TSGA10: variants seen among roughly 807,000 people sequenced by gnomAD.
The protein encoded by TSGA10 is testis specific 10, also known as testis-specific gene 10 protein.
TSGA10 carries 43 observed loss-of-function variants against 96.6 expected under a neutral mutation model. The ratio of observed to expected loss-of-function variants is 0.44; its 90% confidence interval spans 0.35 to 0.57. The LOEUF (loss-of-function observed/expected upper bound fraction) is 0.57, where lower values mean the gene tolerates loss of function less well. Ranked by LOEUF, TSGA10 falls within the 20% of genes least tolerant of loss-of-function variation. TSGA10 has a pLI of 0.01. For synonymous variants in TSGA10, 229 were observed against 269.9 expected, an observed-to-expected ratio of 0.85 and a Z score of 1.48; for missense variants, 703 against 834.4, an observed-to-expected ratio of 0.84 and a Z score of 1.94.
chr2:99,033,202 C>T (rs955001755), intron 17 of TSGA10, among the ~76,000 whole-genome samples: 6 of 152,180 alleles, frequency 3.9e-5, no homozygotes, highest in Admixed American at 6.5e-5. Flanking sequence ...AAAATGTCAC[C>T]TGAACTTAAC....
chr2:99,094,824 C>G (rs2089839147), intron 10 of TSGA10, among the ~76,000 whole-genome samples: 1 of 152,120 alleles, frequency 6.6e-6, no homozygotes, highest in African/African-American at 2.4e-5. Flanking sequence ...CTAGTACAAC[C>G]ACTATGGAAA....
intron 16 of TSGA10, among the ~76,000 whole-genome samples, chr2:99,064,407 T>G (rs2085033518): frequency 6.6e-6 from 1 of 152,206 alleles, no homozygotes; most frequent in Admixed American, 6.5e-5. Context: ...TATCTCCAAC[T>G]ATGTTTGTTT....
intron 1 of TSGA10, among the ~76,000 whole-genome samples, chr2:99,146,431 C>G (rs145372907): frequency 6.6e-6 from 1 of 152,168 alleles, no homozygotes; most frequent in Non-Finnish European, 1.5e-5. Context: ...AGTCTCTTAT[C>G]TATCTTTTTG....
At chr2:99,101,244 C>CAAA (rs869263270) in intron 10 of TSGA10, among the ~76,000 whole-genome samples, 654 of 24,342 alleles carry the variant, frequency 0.027, 227 homozygotes, top group Middle Eastern at 0.11. Context: ...GACTCTGTCT[C>CAAA]AAAAAAAAAA....
chr2:99,000,829 G>T (rs1044161138), intron 20 of TSGA10, among the ~76,000 whole-genome samples: 2 of 152,186 alleles, frequency 1.3e-5, no homozygotes, highest in African/African-American at 4.8e-5. Flanking sequence ...TATATCCCAT[G>T]CATGGCTCGG....
At chr2:99,059,987 C>T (rs1053700164) in intron 16 of TSGA10, among the ~76,000 whole-genome samples, 2 of 150,812 alleles carry the variant, frequency 1.3e-5, no homozygotes, top group Non-Finnish European at 2.9e-5. Context: ...ACACTGAGTC[C>T]TATTTCCTTA....
At chr2:99,043,941 G>A (rs2082466713) in intron 16 of TSGA10, among the ~76,000 whole-genome samples, 1 of 152,074 alleles carries the variant, frequency 6.6e-6, no homozygotes, top group Non-Finnish European at 1.5e-5. Flanking sequence ...AGCTTCATAA[G>A]AGAAGGAGAA....
chr2:99,112,216 T>C (rs2091879209), intron 4 of TSGA10, among the ~76,000 whole-genome samples: 1 of 152,072 alleles, frequency 6.6e-6, no homozygotes, highest in Non-Finnish European at 1.5e-5. Context: ...GGTAAAGTAA[T>C]GAATAAAAAA....
intron 16 of TSGA10, among the ~76,000 whole-genome samples, chr2:99,044,766 C>T (rs2082569723): frequency 6.6e-6 from 1 of 152,034 alleles, no homozygotes; most frequent in Non-Finnish European, 1.5e-5. Context: ...CTAAAATTGA[C>T]CATATAATTG....
chr2:99,055,860 CA>C (rs59969222), intron 16 of TSGA10, among the ~76,000 whole-genome samples: 3,389 of 90,798 alleles, frequency 0.037, 62 homozygotes, highest in African/African-American at 0.072. Context: ...ATCCAATTAA[CA>C]AAAAAAAAAA....
chr2:99,003,104 G>T (rs936113096), intron 20 of TSGA10, among the ~76,000 whole-genome samples: 1 of 152,104 alleles, frequency 6.6e-6, no homozygotes, highest in Non-Finnish European at 1.5e-5. Context: ...TGATCCACCT[G>T]CCTCGGCCTC....
intron 10 of TSGA10, among the ~76,000 whole-genome samples, chr2:99,091,531 G>C (rs746533435): frequency 5.9e-5 from 9 of 152,034 alleles, no homozygotes; most frequent in Non-Finnish European, 1.3e-4. Context: ...ATAATTCACT[G>C]AACAAGTATC....
intron 16 of TSGA10, among the ~76,000 whole-genome samples, chr2:99,042,505 C>A (rs1158904029): frequency 6.6e-6 from 1 of 152,162 alleles, no homozygotes; most frequent in East Asian, 1.9e-4. Context: ...TCTTTGGCCA[C>A]TGTGTAACAT....
chr2:99,137,523 G>T (rs2093373801), intron 1 of TSGA10, among the ~76,000 whole-genome samples: 1 of 152,192 alleles, frequency 6.6e-6, no homozygotes, highest in Middle Eastern at 3.4e-3. Flanking sequence ...GAAGCCATTG[G>T]TGTATTTTTG....
intron 1 of TSGA10, among the ~76,000 whole-genome samples, chr2:99,133,857 G>A (rs1352300226): frequency 6.6e-6 from 1 of 152,172 alleles, no homozygotes; most frequent in African/African-American, 2.4e-5. Flanking sequence ...TAGTTTGGCT[G>A]GATATGAAAT....
intron 10 of TSGA10, among the ~76,000 whole-genome samples, chr2:99,084,647 G>C (rs994344454): frequency 6.6e-6 from 1 of 152,006 alleles, no homozygotes; most frequent in African/African-American, 2.4e-5. Context: ...CACAAGAATA[G>C]ACTAATAGAG....
intron 16 of TSGA10, among the ~76,000 whole-genome samples, chr2:99,042,552 G>A (rs991644334): frequency 9.2e-5 from 14 of 152,242 alleles, no homozygotes; most frequent in Admixed American, 9.2e-4. Flanking sequence ...TGTCTCTACC[G>A]TCAAGCCTAG....
chr2:99,077,720 C>T (rs2086892170), intron 12 of TSGA10, among the ~76,000 whole-genome samples: 1 of 151,918 alleles, frequency 6.6e-6, no homozygotes, highest in Non-Finnish European at 1.5e-5. Flanking sequence ...CGCCACCACG[C>T]CCAGCTAATT....
chr2:99,053,855 A>G (rs1201600262), intron 16 of TSGA10, among the ~76,000 whole-genome samples: 2 of 152,184 alleles, frequency 1.3e-5, no homozygotes, highest in African/African-American at 4.8e-5. Flanking sequence ...ACCGAAAACT[A>G]TAAAACACTG....
Sources: allele counts gnomAD v4.1 joint callset (sites outside exome capture counted in the v4.1 genomes callset), GRCh38; gene constraint gnomAD v4.1.1; transcripts MANE v1.5; gene names NCBI Gene and HGNC (gene_info 2026-07-23, HGNC 2026-07-21).